The following GORASP2 variants were observed in gnomAD, a reference collection of about 807,000 sequenced individuals.
GORASP2 encodes Golgi reassembly-stacking protein 2.
Under a neutral mutation model 45.7 loss-of-function variants are expected in GORASP2, and 22 were observed. The observed-to-expected ratio is 0.48, with a 90% CI of 0.34 to 0.69. GORASP2 has a LOEUF of 0.69. GORASP2 is among the 30% of genes least tolerant of loss of function. The pLI, the probability that GORASP2 is intolerant of heterozygous loss-of-function variation, is 0.01. For missense variants in GORASP2, 491 were observed against 562.7 expected, an observed-to-expected ratio of 0.87 and a Z score of 1.29; for synonymous variants, 221 against 215.6, an observed-to-expected ratio of 1.02 and a Z score of -0.22.
In GORASP2 at chr2:170,950,242, T is replaced by C; in HGVS notation, c.387T>C (p.Leu129=). The C allele has an allele frequency of 6.3e-7, 1 of 1,585,334 alleles. No individual in the cohort carries two copies. The highest frequency in any genetic ancestry group is 8.6e-7 in the Non-Finnish European group (1 of 1,161,604). ...ESNSPAALAG[L]RPHSDYIIGA... ...ATTCTCCTGCAGCACTGGCAGGTCT[T>C]AGACCACACAGTGATTATATAATTG... The change falls in exon 4 of 10, where the codon CTT becomes CTC. Residue 129 remains leucine, a synonymous_variant. Transcript: ENST00000234160.
rs751276690 is a variant in GORASP2 at position 170,949,581 on chromosome 2, G to A, written c.187G>A (p.Val63Ile). 10 of 1,613,754 alleles carry A rather than the reference G, an allele frequency of 6.2e-6. No individual in the cohort carries two copies. In the African/African-American group the frequency reaches 8.0e-5, roughly 13 times the overall value. Reference protein sequence around the residue: ...DTLKDLLKANVEKPVKMLIYS... With the variant: ...DTLKDLLKANIEKPVKMLIYS... ...TCTTAAGGATCTGCTGAAAGCAAAC[G>A]TTGAAAAGCCTGTAAAGATGCTTAT... is the stretch of plus-strand genomic sequence containing the variant. Residue 63 changes from valine to isoleucine, a missense_variant, in exon 3 of 10, where the codon GTT becomes ATT. Around this residue, in one of 2 missense-constraint regions of GORASP2, gnomAD observed 194 missense variants for 270.4 expected, o/e 0.72. Transcript: ENST00000234160.
chr2:170,948,355 A>G lies in GORASP2; in HGVS notation c.69A>G (p.Gln23=), dbSNP rs768653776. 1.9e-6 allele frequency: 3 copies of G among 1,588,176 alleles called. No individual in the cohort carries two copies. The highest frequency in any genetic ancestry group is 1.7e-5 in the Admixed American group (1 of 58,694). The change falls in exon 2 of 10, where the codon CAA becomes CAG. Residue 23 remains glutamine, a synonymous_variant. Coordinates refer to ENST00000234160, the MANE Select transcript of GORASP2 (RefSeq NM_015530.5). ...GTEGYHVLRV[Q]ENSPGHRAGL... is the part of the protein sequence containing the mutation. ...TGTCGTTTTTGTTTCCGCAGGTACA[A>G]GAAAATTCCCCAGGACACAGAGCTG...
At chr2:170,951,177 T>C in intron 4 of GORASP2, 151 bp from the exon 5 acceptor site, 1 of 584,136 alleles carries the variant, frequency 1.7e-6, no homozygotes, top group Non-Finnish European at 3.0e-6. Context: ...ATATATTGAA[T>C]TAAACCTGCT....
chr2:170,965,714 A>T, intron 9 of GORASP2, 76 bp from the exon 10 acceptor site: 2 of 998,958 alleles, frequency 2.0e-6, no homozygotes, highest in South Asian at 1.3e-5. Context: ...AAATGTAAAT[A>T]AAAATAGCCC....
chr2:170,929,487 C>A (rs1703760864), intron 1 of GORASP2, 84 bp downstream of exon 1: 2 of 1,080,262 alleles, frequency 1.9e-6, no homozygotes, highest in Middle Eastern at 3.3e-4. Flanking sequence ...TGGGCTCCTT[C>A]ACGGGGCAGC....
chr2:170,931,196 C>T (rs1703814385), intron 1 of GORASP2, among the ~76,000 whole-genome samples: 2 of 152,176 alleles, frequency 1.3e-5, no homozygotes, highest in South Asian at 4.1e-4. Flanking sequence ...CAATCTGCAT[C>T]TGGAGCATTA....
In GORASP2 at chr2:170,929,278, G is replaced by C. The variant is rs1478989072; in HGVS notation, c.-63G>C. ...AAGTGCTACGCGGAGGATTAGAGCA[G>C]GCGGTGCGCTGGGGGCGGGAGCAGC... is the stretch of plus-strand genomic sequence containing the variant. On this transcript the variant is annotated 5_prime_UTR_variant, in exon 1 of 10. Transcript: ENST00000234160. The C allele has an allele frequency of 4.8e-6, 6 of 1,249,832 alleles. No individual in the cohort carries two copies. Among genetic ancestry groups the C allele is most frequent in the Non-Finnish European group, 6.2e-6 (6 of 970,116 alleles). 77.4% of individuals were successfully genotyped at this position (1,249,832 alleles called of 1,614,324 possible).
rs1704385317 is a variant in GORASP2 at position 170,954,801 on chromosome 2, CT to C, written c.699+20del. On this transcript the variant is annotated intron_variant, in intron 6 of 9. Transcript: ENST00000234160. ...TACAGAGGTAAGATCACGTTCCTACCTGAGTATATCATAAAGTTTTTACCAA... is the reference window on the plus strand; with the variant it reads ...TACAGAGGTAAGATCACGTTCCTACCGAGTATATCATAAAGTTTTTACCAA... 1 of 1,593,364 alleles carries C rather than the reference CT, an allele frequency of 6.3e-7. No homozygotes were observed. Among genetic ancestry groups the C allele is most frequent in the Non-Finnish European group, 8.6e-7 (1 of 1,166,910 alleles).
At chr2:170,928,736 GACT>G (rs1703737593), upstream of GORASP2, 2 of 152,226 alleles carry the variant, frequency 1.3e-5, no homozygotes, top group Admixed American at 6.5e-5. Flanking sequence ...GACTCTGTGA[GACT>G]ACTGTTTTAT....
At chr2:170,929,903 A>G (rs1009869583) in intron 1 of GORASP2, 4 of 397,624 alleles carry the variant, frequency 1.0e-5, no homozygotes, top group African/African-American at 6.6e-5. Context: ...GGCCTGAAAG[A>G]CCAGCAGGGC....
At chr2:170,964,018 T>C (rs1575481616) in intron 9 of GORASP2, among the ~76,000 whole-genome samples, 1 of 152,188 alleles carries the variant, frequency 6.6e-6, no homozygotes, top group Non-Finnish European at 1.5e-5. Flanking sequence ...TTACAAATGC[T>C]TTTATACTCA....
chr2:170,944,829 A>G (rs1460382765), intron 1 of GORASP2, among the ~76,000 whole-genome samples: 2 of 152,232 alleles, frequency 1.3e-5, no homozygotes, highest in Non-Finnish European at 2.9e-5. Flanking sequence ...AGTTTTTTAG[A>G]AACATTCAGA....
chr2:170,947,542 A>G (rs963518332), intron 1 of GORASP2, among the ~76,000 whole-genome samples: 3 of 152,164 alleles, frequency 2.0e-5, no homozygotes, highest in African/African-American at 7.2e-5. Flanking sequence ...GTTTGGTTTT[A>G]CATTATAGTG....
At chr2:170,936,523 A>G in intron 1 of GORASP2, 1 of 601,954 alleles carries the variant, frequency 1.7e-6, no homozygotes, top group Non-Finnish European at 2.7e-6. Flanking sequence ...CCTAGTCCTA[A>G]GTAGTTACTT....
chr2:170,934,195 GTCT>G (rs934956196), intron 1 of GORASP2, among the ~76,000 whole-genome samples: 1 of 148,406 alleles, frequency 6.7e-6, no homozygotes, highest in African/African-American at 2.5e-5. Flanking sequence ...AATAGTCATT[GTCT>G]TCTTTATTCT....
chr2:170,937,645 G>C (rs908623458), intron 1 of GORASP2, among the ~76,000 whole-genome samples: 1 of 152,028 alleles, frequency 6.6e-6, no homozygotes, highest in Non-Finnish European at 1.5e-5. Flanking sequence ...GAAAGAAAAA[G>C]AAAGAGAGAG....
rs1273113746 is a variant in GORASP2 at position 170,929,295 on chromosome 2, G to A, written c.-46G>A. The A allele has an allele frequency of 1.5e-6, 2 of 1,315,308 alleles. No homozygotes were observed. The highest frequency in any genetic ancestry group is 2.0e-5 in the South Asian group (1 of 51,252). 81.5% of individuals were successfully genotyped at this position (1,315,308 alleles called of 1,614,324 possible). ...TTAGAGCAGGCGGTGCGCTGGGGGC[G>A]GGAGCAGCGCGGAGCCCGGCTCGGC... is the stretch of plus-strand genomic sequence containing the variant. On this transcript the variant is annotated 5_prime_UTR_variant, in exon 1 of 10. Transcript: ENST00000234160.
At chr2:170,934,211 TAACA>T (rs1559306627) in intron 1 of GORASP2, among the ~76,000 whole-genome samples, 1 of 152,136 alleles carries the variant, frequency 6.6e-6, no homozygotes, top group South Asian at 2.1e-4. Flanking sequence ...TTTATTCTTC[TAACA>T]GTCTTTCTCA....
At chr2:170,948,550 T>A (rs1441136728) in intron 2 of GORASP2, 120 bp downstream of exon 2, 1 of 600,568 alleles carries the variant, frequency 1.7e-6, no homozygotes, top group Non-Finnish European at 2.9e-6. Flanking sequence ...TATGCCAATT[T>A]ATAGAAATAA....
Sources: gnomAD v4.1 joint callset for allele counts (sites outside exome capture counted in the v4.1 genomes callset) on GRCh38, gnomAD v4.1.1 for gene constraint, gnomAD v4.1.1 regional missense constraint, MANE v1.5 for transcripts, NCBI Gene and HGNC (gene_info 2026-07-23, HGNC 2026-07-21) for gene names.